Variants in AVPR1A observed in about 807,000 individuals in gnomAD.
The protein encoded by AVPR1A is vasopressin V1a receptor.
A neutral mutation model predicts 31.5 loss-of-function variants in AVPR1A; 31 were observed. The observed-to-expected ratio is 0.99, with a 90% CI of 0.74 to 1.33. AVPR1A has a LOEUF of 1.33. AVPR1A is among the 40% of genes most tolerant of loss of function. AVPR1A has a pLI of 0.00. For missense variants in AVPR1A, 570 were observed against 575.2 expected, an observed-to-expected ratio of 0.99 and a Z score of 0.09; for synonymous variants, 243 against 233.2, an observed-to-expected ratio of 1.04 and a Z score of -0.38.
chr12:63,149,497 G>A (rs1038057600), intron 1 of AVPR1A, among the ~76,000 whole-genome samples: 2 of 152,098 alleles, frequency 1.3e-5, no homozygotes, highest in Admixed American at 6.5e-5. Context: ...TAGTGATTTA[G>A]CAAAAGTCAT....
chr12:63,147,422 C>A lies in AVPR1A; in HGVS notation c.1194G>T (p.Thr398=). ...ATTTAGGCGAGTCCTTCCACATACCCGTACTGTTTGTTGGGCTTCGATTGT... is the reference window on the plus strand; with the variant it reads ...ATTTAGGCGAGTCCTTCCACATACCAGTACTGTTTGTTGGGCTTCGATTGT... ...YSNNRSPTNS[T]GMWKDSPKSS... is the part of the protein sequence containing the mutation. Residue 398 remains threonine, a synonymous_variant, in exon 2 of 2, where the codon ACG becomes ACT. Coordinates refer to ENST00000299178, the MANE Select transcript of AVPR1A (RefSeq NM_000706.5). 6.2e-7 allele frequency: 1 copy of A among 1,614,084 alleles called. No individual in the cohort carries two copies.
chr12:63,150,624 G>C lies in AVPR1A; in HGVS notation c.213C>G (p.Ser71Arg). 6.2e-7 allele frequency: 1 copy of C among 1,609,694 alleles called. No homozygotes were observed. Among genetic ancestry groups the C allele is most frequent in the Non-Finnish European group, 8.5e-7 (1 of 1,179,888 alleles). ...TFAVAVLGNS[S>R]VLLALHRTPR... The stretch of plus-strand genomic sequence containing the variant: ...GCGTCCGGTGCAGAGCCAGCAGTAC[G>C]CTGCTGTTGCCCAGCACGGCCACCG... The change falls in exon 1 of 2, where the codon AGC (serine) becomes AGG (arginine). Residue 71 changes from serine to arginine, a missense_variant. By Grantham distance (110) the Ser-to-Arg change is moderately radical. Transcript: ENST00000299178. The surrounding 1 kb of genome is among the most constrained non-coding windows in gnomAD (Gnocchi z 4.9).
chr12:63,144,723 A>C lies in AVPR1A; in HGVS notation c.*2636T>G, dbSNP rs1868345068. ...AACATTGAGAAAATTTAGCAACCAG[A>C]CAGATGAAACTTCTCAGCCTAAACC... is the stretch of plus-strand genomic sequence containing the variant. On this transcript the variant is annotated 3_prime_UTR_variant, in exon 2 of 2. Coordinates refer to ENST00000299178, the MANE Select transcript of AVPR1A (RefSeq NM_000706.5). 6.6e-6 allele frequency: 1 copy of C among 152,206 alleles called. No homozygotes were observed. Among genetic ancestry groups the C allele is most frequent in the East Asian group, 1.9e-4 (1 of 5,198 alleles). The allele number at this position is 152,206 out of a possible 1,614,324, so 9.4% of individuals were successfully genotyped here. A position where few individuals can be genotyped will look rare whatever the true frequency, so the allele number is the denominator to read the frequency against.
Position 63,147,212 on chromosome 12 carries a change from A to G in AVPR1A, c.*147T>C, listed in dbSNP as rs955385921. 2.1e-6 allele frequency: 2 copies of G among 960,842 alleles called. No individual in the cohort carries two copies. The highest frequency in any genetic ancestry group is 5.2e-5 in the East Asian group (2 of 38,404). 59.5% of individuals were successfully genotyped at this position (960,842 alleles called of 1,614,324 possible). A position where few individuals can be genotyped will look rare whatever the true frequency, so the allele number is the denominator to read the frequency against. ...ATGTCTAGTTTTTGGTAGCAATATG[A>G]AAATGCAACTAGAAACACAGTCTCA... On this transcript the variant is annotated 3_prime_UTR_variant, in exon 2 of 2. Coordinates refer to ENST00000299178, the MANE Select transcript of AVPR1A (RefSeq NM_000706.5).
rs1195085959 is a variant in AVPR1A, at chr12:63,151,096, A to G, written c.-260T>C. The G allele has an allele frequency of 1.1e-5, 5 of 467,608 alleles. No individual in the cohort carries two copies. Among genetic ancestry groups the G allele is most frequent in the Non-Finnish European group, 1.9e-5 (5 of 267,284 alleles). 29.0% of individuals were successfully genotyped at this position (467,608 alleles called of 1,614,324 possible). On this transcript the variant is annotated 5_prime_UTR_variant, in exon 1 of 2. Transcript: ENST00000299178. ...CAACTTCGGCGAGGTCGGGAAGGTG[A>G]GCTCCGAGCTTCCGGAAGCACTGGG... is the stretch of plus-strand genomic sequence containing the variant.
In AVPR1A at chr12:63,149,926, C is replaced by T. The variant is rs530784295; in HGVS notation, c.911G>A (p.Trp304Ter). 6.2e-7 allele frequency: 1 copy of T among 1,613,972 alleles called. No individual in the cohort carries two copies. Among genetic ancestry groups the T allele is most frequent in the South Asian group, 1.1e-5 (1 of 91,074 alleles). ...FVIVTAYIVCWAPFFIIQMWS... is the reference protein window; with the variant it reads ...FVIVTAYIVC ...CATCTGGATGATGAAGAAAGGCGCC[C>T]AGCAGACGATGTAAGCCGTCACGAT... The change falls in exon 1 of 2, where the codon TGG becomes TAG. Residue 304 changes from tryptophan to a stop codon, truncating the protein, a stop_gained. Transcript: ENST00000299178. LOFTEE classifies it high-confidence loss of function.
At chr12:63,148,922 A>G (rs1184312975) in intron 1 of AVPR1A, among the ~76,000 whole-genome samples, 1 of 152,204 alleles carries the variant, frequency 6.6e-6, no homozygotes, top group Admixed American at 6.5e-5. Context: ...ATTTGGTTTG[A>G]GTTCCGACAA....
Position 63,150,100 on chromosome 12 carries a change from T to A in AVPR1A, c.737A>T (p.Asn246Ile), listed in dbSNP as rs1424485681. 6.2e-7 allele frequency: 1 copy of A among 1,614,028 alleles called. No homozygotes were observed. Among genetic ancestry groups the A allele is most frequent in the Non-Finnish European group, 8.5e-7 (1 of 1,180,020 alleles). The change falls in exon 1 of 2, where the codon AAC becomes ATC. Residue 246 changes from asparagine (N) to isoleucine (I), a missense_variant. Coordinates refer to ENST00000299178, the MANE Select transcript of AVPR1A (RefSeq NM_000706.5). This position sits in a 1 kb window ranked among gnomAD's most constrained non-coding sequence, Gnocchi z 4.9. ...YGFICYNIWC[N>I]VRGKTASRQS... ...GCGCGACGCCGTCTTCCCGCGGACG[T>A]TGCACCAGATGTTGTAGCAGATGAA... is the stretch of plus-strand genomic sequence containing the variant.
chr12:63,150,749 G>C lies in AVPR1A; in HGVS notation c.88C>G (p.Arg30Gly). The change falls in exon 1 of 2, where the codon CGG becomes GGG. Residue 30 changes from arginine to glycine, a missense_variant. Coordinates refer to ENST00000299178, the MANE Select transcript of AVPR1A (RefSeq NM_000706.5). This position sits in a 1 kb window ranked among gnomAD's most constrained non-coding sequence, Gnocchi z 4.9. ...PLATGAGNTS[R>G]EAEALGEGNG... ...CCCTCCCCGAGGGCTTCGGCCTCCC[G>C]GCTTGTGTTGCCAGCGCCGGTGGCC... is the stretch of plus-strand genomic sequence containing the variant. 1 of 1,600,814 alleles carries C rather than the reference G, an allele frequency of 6.2e-7. No individual in the cohort carries two copies. Among genetic ancestry groups the C allele is most frequent in the South Asian group, 1.1e-5 (1 of 91,048 alleles).
At position 63,142,775 on chromosome 12, in the gene AVPR1A, G is replaced by A. The variant is rs539998098; in HGVS notation, c.*4584C>T. Reference sequence around the variant, plus strand: ...TCAAACAAATCCAAAACTTATTTTTGTTTATAGAAACAAGACAACACACAG... The same window carrying A: ...TCAAACAAATCCAAAACTTATTTTTATTTATAGAAACAAGACAACACACAG... On this transcript the variant is annotated 3_prime_UTR_variant, in exon 2 of 2. Transcript: ENST00000299178. The A allele has an allele frequency of 6.9e-4, 105 of 152,128 alleles. No individual in the cohort carries two copies. The highest frequency in any genetic ancestry group is 2.4e-3 in the African/African-American group (100 of 41,500). The allele number at this position is 152,128 out of a possible 1,614,324, so 9.4% of individuals were successfully genotyped here. A position where few individuals can be genotyped will look rare whatever the true frequency, so the allele number is the denominator to read the frequency against.
rs1315895476 is a variant in AVPR1A at position 63,146,186 on chromosome 12, G to A, written c.*1173C>T. The A allele has an allele frequency of 6.6e-6, 1 of 152,184 alleles. No homozygotes were observed. The highest frequency in any genetic ancestry group is 1.5e-5 in the Non-Finnish European group (1 of 68,042). The allele number at this position is 152,184 out of a possible 1,614,324, so 9.4% of individuals were successfully genotyped here. A position where few individuals can be genotyped will look rare whatever the true frequency, so the allele number is the denominator to read the frequency against. ...GTAAGTGTTATCAACCCCACGGTAAGTCAAGGAAACAGAGGCTTTATATGT... is the reference window on the plus strand; with the variant it reads ...GTAAGTGTTATCAACCCCACGGTAAATCAAGGAAACAGAGGCTTTATATGT... On this transcript the variant is annotated 3_prime_UTR_variant, in exon 2 of 2. Coordinates refer to ENST00000299178, the MANE Select transcript of AVPR1A (RefSeq NM_000706.5).
At chr12:63,148,926 CCG>C (rs1245975574) in intron 1 of AVPR1A, among the ~76,000 whole-genome samples, 1 of 152,074 alleles carries the variant, frequency 6.6e-6, no homozygotes, top group Non-Finnish European at 1.5e-5. Context: ...GGTTTGAGTT[CCG>C]ACAAGCACTG....
Position 63,150,413 on chromosome 12 carries a change from GCATGTAGGCCGACGCAAACATGC to G in AVPR1A, c.401_423del (p.Gly134AlafsTer200), listed in dbSNP as rs1333965335. 1.2e-6 allele frequency: 2 copies of G among 1,613,816 alleles called. No homozygotes were observed. Among genetic ancestry groups the G allele is most frequent in the Non-Finnish European group, 1.7e-6 (2 of 1,179,968 alleles). ...TAGCGGTCGGCTGTCATGACTACCA[GCATGTAGGCCGACGCAAACATGC>G]CGAACACCTGCAGGTGCTTCACCAC... On this transcript the variant is annotated frameshift_variant, in exon 1 of 2. Transcript: ENST00000299178. LOFTEE classifies it high-confidence loss of function. The surrounding 1 kb of genome is among the most constrained non-coding windows in gnomAD (Gnocchi z 4.9).
intron 1 of AVPR1A, among the ~76,000 whole-genome samples, chr12:63,148,901 C>T (rs1313791516): frequency 1.3e-5 from 2 of 152,072 alleles, no homozygotes; most frequent in East Asian, 1.9e-4. Flanking sequence ...AACAACTGTA[C>T]CATTGAATTT....
Position 63,150,516 on chromosome 12 carries a change from C to T in AVPR1A, c.321G>A (p.Pro107=). Residue 107 remains proline, a synonymous_variant, in exon 1 of 2, where the codon CCG becomes CCA. Coordinates refer to ENST00000299178, the MANE Select transcript of AVPR1A (RefSeq NM_000706.5). The surrounding 1 kb of genome is among the most constrained non-coding windows in gnomAD (Gnocchi z 4.9). ...DLAVAFFQVL[P]QMCWDITYRF... ...GGTAGGTGATGTCCCAGCACATTTG[C>T]GGCAGCACCTGGAAGAATGCCACGG... is the stretch of plus-strand genomic sequence containing the variant. 6.2e-7 allele frequency: 1 copy of T among 1,613,086 alleles called. No individual in the cohort carries two copies. The highest frequency in any genetic ancestry group is 1.3e-5 in the African/African-American group (1 of 75,062).
rs144329263 is a variant in AVPR1A at position 63,147,377 on chromosome 12, G to T, written c.1239C>A (p.Phe413Leu). ...GCAAGGCTCAAGTTGAAACAGGAAT[G>T]AATTTGATGGACTTGGAAGATTTAG... ...DSPKSSKSIK[F>L]IPVST is the part of the protein sequence containing the mutation. The change falls in exon 2 of 2, where the codon TTC (phenylalanine) becomes TTA (leucine). Residue 413 changes from phenylalanine (F) to leucine (L), a missense_variant. By Grantham distance (22) the Phe-to-Leu change is conservative (BLOSUM62 0). Coordinates refer to ENST00000299178, the MANE Select transcript of AVPR1A (RefSeq NM_000706.5). The T allele has an allele frequency of 1.1e-5, 18 of 1,613,342 alleles. No homozygotes were observed. The African/African-American group carries it at 1.7e-4, about 16-fold the overall frequency.
rs894363785 is a variant in AVPR1A, at chr12:63,145,288, G to A, written c.*2071C>T. The A allele has an allele frequency of 1.4e-5, 6 of 438,094 alleles. No homozygotes were observed. The highest frequency in any genetic ancestry group is 8.2e-5 in the South Asian group (5 of 61,002). 27.1% of individuals were successfully genotyped at this position (438,094 alleles called of 1,614,324 possible). On this transcript the variant is annotated 3_prime_UTR_variant, in exon 2 of 2. Coordinates refer to ENST00000299178, the MANE Select transcript of AVPR1A (RefSeq NM_000706.5). Reference sequence around the variant, plus strand: ...ATGTTTTTAGGCCTATCAATACAAGGAGCCTAAGGGCTGAGAATTTCAAAA... The same window carrying A: ...ATGTTTTTAGGCCTATCAATACAAGAAGCCTAAGGGCTGAGAATTTCAAAA...
At chr12:63,148,318 A>C (rs1317250734) in intron 1 of AVPR1A, among the ~76,000 whole-genome samples, 3 of 152,182 alleles carry the variant, frequency 2.0e-5, no homozygotes, top group Admixed American at 6.5e-5. Flanking sequence ...AAATATTATA[A>C]CCTTTCACAG....
Position 63,150,761 on chromosome 12 carries a change from C to T in AVPR1A, c.76G>A (p.Gly26Ser), listed in dbSNP as rs760265010. The stretch of plus-strand genomic sequence containing the variant: ...GCTTCGGCCTCCCGGCTTGTGTTGC[C>T]AGCGCCGGTGGCCAGAGGCCACCAT... Reference protein sequence around the residue: ...SPWWPLATGAGNTSREAEALG... With the variant: ...SPWWPLATGASNTSREAEALG... Residue 26 changes from glycine (G) to serine (S), a missense_variant, in exon 1 of 2, where the codon GGC becomes AGC. Physicochemically the swap from Gly to Ser is moderately conservative, Grantham distance 56. Coordinates refer to ENST00000299178, the MANE Select transcript of AVPR1A (RefSeq NM_000706.5). The surrounding 1 kb of genome is among the most constrained non-coding windows in gnomAD (Gnocchi z 4.9). 1.9e-6 allele frequency: 3 copies of T among 1,599,720 alleles called. No homozygotes were observed. Among genetic ancestry groups the T allele is most frequent in the Admixed American group, 1.7e-5 (1 of 59,970 alleles).
Sources: gnomAD v4.1 joint callset for allele counts (sites outside exome capture counted in the v4.1 genomes callset) on GRCh38, gnomAD v4.1.1 for gene constraint, Gnocchi (gnomAD v3.1) non-coding constraint, MANE v1.5 for transcripts, NCBI Gene and HGNC (gene_info 2026-07-23, HGNC 2026-07-21) for gene names.